Variants in RIMS2 observed in about 807,000 individuals in gnomAD.
The protein encoded by RIMS2 is regulating synaptic membrane exocytosis 2.
In RIMS2, 59 loss-of-function variants were observed where a neutral mutation model predicts 174.4. The observed-to-expected ratio is 0.34, with a 90% CI of 0.27 to 0.42. RIMS2 has a LOEUF of 0.42. Ranked by LOEUF, RIMS2 falls within the 10% of genes least tolerant of loss-of-function variation. RIMS2 has a pLI of 1.00. For missense variants in RIMS2, 1,620 were observed against 1,666.3 expected (o/e 0.97, Z 0.48); for synonymous variants, 606 against 572.5 (o/e 1.06, Z -0.84).
At chr8:104,077,431 A>T (rs72683194) in intron 19 of RIMS2, among the ~76,000 whole-genome samples, 23,857 of 151,618 alleles carry the variant, frequency 0.16, 2,464 homozygotes, top group Non-Finnish European at 0.23. Flanking sequence ...TGAAAAATTT[A>T]AAAAAATGAT....
At chr8:103,876,864 TTATATATATATATATATATATATATATA>T (rs199997824) in intron 3 of RIMS2, among the ~76,000 whole-genome samples, 1,324 of 68,142 alleles carry the variant, frequency 0.019, 78 homozygotes, top group African/African-American at 0.057. Flanking sequence ...ACACACTATT[TTATATATATATATATATATATATATATA>T]TATATATATA....
intron 17 of RIMS2, among the ~76,000 whole-genome samples, chr8:103,995,958 A>T (rs1338946700): frequency 1.3e-5 from 2 of 151,982 alleles, no homozygotes; most frequent in African/African-American, 4.8e-5. Flanking sequence ...GGAGGAGTTA[A>T]ATTTTGAGAC....
intron 4 of RIMS2, chr8:103,910,017 T>G: frequency 1.7e-6 from 1 of 601,148 alleles, no homozygotes; most frequent in South Asian, 2.1e-5. Context: ...TAGTGAGTGC[T>G]ACAGACAAAG....
intron 19 of RIMS2, among the ~76,000 whole-genome samples, chr8:104,217,272 T>G (rs1035064128): frequency 2.3e-5 from 3 of 131,682 alleles, no homozygotes; most frequent in Non-Finnish European, 4.9e-5. Flanking sequence ...GTTTTTTTGT[T>G]TTTTTGTTTT....
In RIMS2 at chr8:103,626,290, C is replaced by T. The variant is rs371928533; in HGVS notation, c.177-70796C>T. Among the ~76,000 whole-genome samples the T allele has an allele frequency of 3.9e-5, 6 of 152,102 alleles. No homozygotes were observed. The East Asian group carries it at 1.2e-3, about 29-fold the overall frequency. ...TAAAGCATGGTTACAAAGCTGTCAA[C>T]CTCTTCTGTTACCAACTAATTACAA... On this transcript the variant is annotated intron_variant, in intron 1 of 23. Coordinates refer to ENST00000504942, the Ensembl canonical transcript of RIMS2.
At chr8:103,580,917 C>T (rs2093578604) in intron 1 of RIMS2, among the ~76,000 whole-genome samples, 5 of 150,476 alleles carry the variant, frequency 3.3e-5, no homozygotes, top group Admixed American at 2.7e-4. Flanking sequence ...GCAAGCTCCG[C>T]CTCCTGGGTT....
downstream of RIMS2, chr8:104,255,364 T>C (rs1198625495): frequency 6.6e-6 from 1 of 152,184 alleles, no homozygotes; most frequent in Non-Finnish European, 1.5e-5. Context: ...TGTTTCTTTG[T>C]TGTTCATATA....
At chr8:103,681,798 A>C (rs2096883666) in intron 1 of RIMS2, among the ~76,000 whole-genome samples, 1 of 152,022 alleles carries the variant, frequency 6.6e-6, no homozygotes, top group Non-Finnish European at 1.5e-5. Flanking sequence ...TTTTTTCTGC[A>C]GTGTACAGAG....
At chr8:103,652,807 T>C in intron 1 of RIMS2, 97 bp downstream of exon 3, 1 of 674,580 alleles carries the variant, frequency 1.5e-6, no homozygotes, top group African/African-American at 1.9e-5. Flanking sequence ...TAGTATGCCC[T>C]CAGAAAGGAA....
At chr8:103,909,512 T>C (rs758757036) in intron 4 of RIMS2, among the ~76,000 whole-genome samples, 2 of 152,158 alleles carry the variant, frequency 1.3e-5, no homozygotes, top group African/African-American at 4.8e-5. Context: ...TTAAGTAAAG[T>C]TTATTTTTAC....
At chr8:103,707,418 C>T (rs2137764732) in intron 2 of RIMS2, among the ~76,000 whole-genome samples, 1 of 152,220 alleles carries the variant, frequency 6.6e-6, no homozygotes, top group South Asian at 2.1e-4. Flanking sequence ...TTCAGAGGGT[C>T]TTCCAATAAT....
intron 1 of RIMS2, among the ~76,000 whole-genome samples, chr8:103,552,484 A>G (rs1848462617): frequency 6.6e-6 from 1 of 152,208 alleles, no homozygotes; most frequent in Non-Finnish European, 1.5e-5. Context: ...TAGACCTAAA[A>G]CCATAAAAAC....
intron 19 of RIMS2, among the ~76,000 whole-genome samples, chr8:104,144,838 T>C (rs75518859): frequency 0.042 from 6,341 of 152,180 alleles, 299 homozygotes; most frequent in East Asian, 0.14. Context: ...CTTTTTTTTA[T>C]AAAACTATTT....
chr8:103,675,136 T>C (rs569647031), intron 1 of RIMS2, among the ~76,000 whole-genome samples: 3 of 152,290 alleles, frequency 2.0e-5, no homozygotes, highest in African/African-American at 7.2e-5. Flanking sequence ...GGTCTCGAAC[T>C]CCTGACCTCA....
chr8:103,747,660 G>T (rs1456193125), intron 2 of RIMS2, among the ~76,000 whole-genome samples: 1 of 151,982 alleles, frequency 6.6e-6, no homozygotes. Flanking sequence ...GGATAAAAGA[G>T]ATTTTATGAT....
intron 19 of RIMS2, among the ~76,000 whole-genome samples, chr8:104,076,150 G>A (rs566476956): frequency 5.9e-5 from 9 of 152,264 alleles, no homozygotes; most frequent in East Asian, 5.8e-4. Context: ...AGAATTGCAC[G>A]AGATGCTAAT....
intron 1 of RIMS2, among the ~76,000 whole-genome samples, chr8:103,689,717 G>A (rs79443946): frequency 0.031 from 4,732 of 151,930 alleles, 222 homozygotes; most frequent in African/African-American, 0.11. Context: ...AGGAAATCAC[G>A]TGAAGGTACA....
At chr8:104,223,469 C>G (rs1587770611) in intron 19 of RIMS2, 5 of 1,375,770 alleles carry the variant, frequency 3.6e-6, no homozygotes, top group East Asian at 5.9e-5. Flanking sequence ...TTGGAGGTCC[C>G]GGCGGCCAGG....
chr8:104,129,109 G>A (rs748029482), intron 19 of RIMS2, among the ~76,000 whole-genome samples: 13 of 152,082 alleles, frequency 8.5e-5, no homozygotes, highest in Non-Finnish European at 1.6e-4. Context: ...TTATGGCCAG[G>A]CACAATGGCT....
Sources: allele counts gnomAD v4.1 joint callset (sites outside exome capture counted in the v4.1 genomes callset), GRCh38; gene constraint gnomAD v4.1.1; transcripts MANE v1.5; gene names NCBI Gene and HGNC (gene_info 2026-07-23, HGNC 2026-07-21).